Variants in PTPRC observed in about 807,000 individuals in gnomAD.
The protein encoded by PTPRC is protein tyrosine phosphatase receptor type C, also known as receptor-type tyrosine-protein phosphatase C.
Under a neutral mutation model 155.9 loss-of-function variants are expected in PTPRC, and 44 were observed. The observed-to-expected ratio is 0.28, with a 90% CI of 0.22 to 0.36. The LOEUF (loss-of-function observed/expected upper bound fraction) is 0.36, where lower values mean the gene tolerates loss of function less well. Ranked by LOEUF, PTPRC falls within the 10% of genes least tolerant of loss-of-function variation. PTPRC has a pLI of 1.00. For synonymous variants in PTPRC, 525 were observed against 533.1 expected (o/e 0.98, Z 0.21); for missense variants, 1,401 against 1,564.6 (o/e 0.90, Z 1.76).
At chr1:198,654,857 A>G (rs1198265250) in intron 2 of PTPRC, among the ~76,000 whole-genome samples, 1 of 151,954 alleles carries the variant, frequency 6.6e-6, no homozygotes, top group Non-Finnish European at 1.5e-5. Context: ...TTTCATGTTA[A>G]AATTACTAAG....
intron 15 of PTPRC, 89 bp from the exon 16 acceptor site, chr1:198,728,251 A>T: frequency 1.0e-6 from 1 of 955,204 alleles, no homozygotes; most frequent in Non-Finnish European, 1.5e-6. Context: ...TAAAAATATT[A>T]AAATATAAAT....
chr1:198,734,054 C>CGAA, intron 20 of PTPRC, 142 bp from the exon 21 acceptor site: 1 of 773,208 alleles, frequency 1.3e-6, no homozygotes, highest in Admixed American at 2.2e-5. Context: ...AATAAGATTC[C>CGAA]CTTAATACTT....
intron 23 of PTPRC, among the ~76,000 whole-genome samples, chr1:198,737,998 G>A (rs191788040): frequency 6.6e-6 from 1 of 151,856 alleles, no homozygotes; most frequent in East Asian, 1.9e-4. Flanking sequence ...TTGTTTTAAT[G>A]TTGATTTTAT....
rs2102548671 is a variant in PTPRC, at chr1:198,752,748, G to A, written c.3485G>A (p.Ser1162Asn). 2 of 1,612,666 alleles carry A rather than the reference G, an allele frequency of 1.2e-6. No individual in the cohort carries two copies. The highest frequency in any genetic ancestry group is 1.1e-5 in the South Asian group (1 of 91,056). ...TCTGAAGGGAACAAGCATCACAAGA[G>A]TACACCTCTACTCATTCACTGCAGG... is the stretch of plus-strand genomic sequence containing the variant. ...NSSEGNKHHK[S>N]TPLLIHCRDG... Residue 1162 changes from serine to asparagine, a missense_variant, in exon 31 of 33, where the codon AGT becomes AAT. By Grantham distance (46) the Ser-to-Asn change is conservative. Coordinates refer to ENST00000442510, the MANE Select transcript of PTPRC (RefSeq NM_002838.5).
chr1:198,658,942 C>G (rs1663768638), intron 2 of PTPRC, among the ~76,000 whole-genome samples: 2 of 152,096 alleles, frequency 1.3e-5, no homozygotes, highest in Non-Finnish European at 2.9e-5. Flanking sequence ...TACGGTACTA[C>G]CCTACAGACA....
intron 2 of PTPRC, among the ~76,000 whole-genome samples, chr1:198,652,894 C>T (rs1663333615): frequency 6.6e-6 from 1 of 151,758 alleles, no homozygotes; most frequent in African/African-American, 2.4e-5. Context: ...GATGAAAGAA[C>T]TATTGGGAAT....
chr1:198,706,597 T>G (rs551583972), intron 8 of PTPRC, 137 bp from the exon 9 acceptor site: 3 of 863,142 alleles, frequency 3.5e-6, no homozygotes, highest in Non-Finnish European at 3.6e-6. Flanking sequence ...AAAAATGATA[T>G]GGAGGCACCT....
chr1:198,716,949 A>G, intron 13 of PTPRC, 109 bp downstream of exon 13: 1 of 973,624 alleles, frequency 1.0e-6, no homozygotes, highest in Middle Eastern at 3.2e-4. Context: ...TTTACCTGGC[A>G]CATTTGTTAA....
chr1:198,648,037 T>A (rs1177503336), intron 2 of PTPRC, among the ~76,000 whole-genome samples: 5 of 151,894 alleles, frequency 3.3e-5, no homozygotes, highest in Admixed American at 2.6e-4. Context: ...ATATAACATA[T>A]TAAGTAAAAC....
intron 14 of PTPRC, among the ~76,000 whole-genome samples, chr1:198,721,984 T>C (rs1220260056): frequency 6.6e-6 from 1 of 151,466 alleles, no homozygotes; most frequent in East Asian, 1.9e-4. Context: ...AATTTTACTA[T>C]ATATCCATTT....
At position 198,756,099 on chromosome 1, in the gene PTPRC, G is replaced by C; in HGVS notation, c.3839G>C (p.Gly1280Ala). The C allele has an allele frequency of 6.2e-7, 1 of 1,613,424 alleles. No individual in the cohort carries two copies. The highest frequency in any genetic ancestry group is 8.5e-7 in the Non-Finnish European group (1 of 1,179,668). ...CCTGAAGCAAAGGAACAGGCTGAAG[G>C]TTCTGAACCCACGAGTGGCACTGAG... is the stretch of plus-strand genomic sequence containing the variant. ...KLPEAKEQAE[G>A]SEPTSGTEGP... Residue 1280 changes from glycine to alanine, a missense_variant, in exon 33 of 33, where the codon GGT becomes GCT. Physicochemically the swap from Gly to Ala is moderately conservative, Grantham distance 60. This residue lies in a region of PTPRC where 400 missense variants were observed against 389.5 expected (regional missense o/e 1.03). Coordinates refer to ENST00000442510, the MANE Select transcript of PTPRC (RefSeq NM_002838.5).
At chr1:198,660,987 C>T (rs1663930853) in intron 2 of PTPRC, among the ~76,000 whole-genome samples, 1 of 152,014 alleles carries the variant, frequency 6.6e-6, no homozygotes, top group South Asian at 2.1e-4. Context: ...TGAAAGAAGC[C>T]TTAGAGGTGA....
chr1:198,676,421 G>GT (rs1324441705), intron 2 of PTPRC, among the ~76,000 whole-genome samples: 1 of 152,154 alleles, frequency 6.6e-6, no homozygotes, highest in Non-Finnish European at 1.5e-5. Context: ...TGGTAGATCT[G>GT]TATCAGTCAG....
In PTPRC at chr1:198,734,282, T is replaced by A. The variant is rs186650676; in HGVS notation, c.2180-46T>A. On this transcript the variant is annotated intron_variant, in intron 21 of 32. Coordinates refer to ENST00000442510, the MANE Select transcript of PTPRC (RefSeq NM_002838.5). ...TCTTTTTGAAAAATTTTTATAGCACTTTTAAGAAAATTTTTCTTATCAGCT... is the reference window on the plus strand; with the variant it reads ...TCTTTTTGAAAAATTTTTATAGCACATTTAAGAAAATTTTTCTTATCAGCT... 6,559 of 1,609,922 alleles carry A rather than the reference T, an allele frequency of 4.1e-3. 11 individuals carry two copies. Among genetic ancestry groups the A allele is most frequent in the Admixed American group, 5.9e-3 (354 of 59,716 alleles).
At chr1:198,643,676 T>C (rs1662772037) in intron 2 of PTPRC, among the ~76,000 whole-genome samples, 1 of 151,966 alleles carries the variant, frequency 6.6e-6, no homozygotes, top group Admixed American at 6.6e-5. Flanking sequence ...TGATCTGCTC[T>C]TTGGACATTC....
Position 198,718,149 on chromosome 1 carries a change from T to C in PTPRC, c.1506T>C (p.His502=), listed in dbSNP as rs1162028009. 1.2e-6 allele frequency: 2 copies of C among 1,613,906 alleles called. No homozygotes were observed. Among genetic ancestry groups the C allele is most frequent in the African/African-American group, 2.7e-5 (2 of 74,910 alleles). ...TVSMTSDNSM[H]VKCRPPRDRN... Reference sequence around the variant, plus strand: ...CCATGACATCAGATAATAGTATGCATGTCAAGTGTAGGCCTCCCAGGGACC... The same window carrying C: ...CCATGACATCAGATAATAGTATGCACGTCAAGTGTAGGCCTCCCAGGGACC... Residue 502 remains histidine, a synonymous_variant, in exon 14 of 33, where the codon CAT becomes CAC. Coordinates refer to ENST00000442510, the MANE Select transcript of PTPRC (RefSeq NM_002838.5).
At chr1:198,683,258 C>T (rs1665440284) in intron 2 of PTPRC, among the ~76,000 whole-genome samples, 2 of 152,124 alleles carry the variant, frequency 1.3e-5, no homozygotes, top group Admixed American at 6.5e-5. Context: ...AAATAGTAAA[C>T]ACTGTTGATA....
intron 2 of PTPRC, among the ~76,000 whole-genome samples, chr1:198,640,181 A>C (rs749648091): frequency 5.9e-5 from 9 of 152,022 alleles, no homozygotes; most frequent in Non-Finnish European, 1.2e-4. Flanking sequence ...CGGCGTCAAT[A>C]TGAATCATGA....
chr1:198,668,204 A>T (rs1198535605), intron 2 of PTPRC, among the ~76,000 whole-genome samples: 2 of 152,038 alleles, frequency 1.3e-5, no homozygotes, highest in East Asian at 3.9e-4. Flanking sequence ...TCATGGTGTG[A>T]TGTCTTTTTT....
Sources: gnomAD v4.1 joint callset for allele counts (sites outside exome capture counted in the v4.1 genomes callset) on GRCh38, gnomAD v4.1.1 for gene constraint, gnomAD v4.1.1 regional missense constraint, MANE v1.5 for transcripts, NCBI Gene and HGNC (gene_info 2026-07-23, HGNC 2026-07-21) for gene names.